The following STPG2 variants were observed in gnomAD, a reference collection of about 807,000 sequenced individuals.
The protein encoded by STPG2 is sperm-tail PG-rich repeat-containing protein 2.
Under a neutral mutation model 54.2 loss-of-function variants are expected in STPG2, and 56 were observed. The observed-to-expected ratio is 1.03, with a 90% CI of 0.83 to 1.29. STPG2 has a LOEUF of 1.29. STPG2 is among the 50% of genes most tolerant of loss of function. The pLI is 0.00. For synonymous variants in STPG2, 200 were observed against 181.8 expected (o/e 1.10, Z -0.81); for missense variants, 596 against 544.9 (o/e 1.09, Z -0.93).
intron 5 of STPG2, among the ~76,000 whole-genome samples, chr4:98,075,308 A>C (rs1481546573): frequency 1.3e-5 from 2 of 152,192 alleles, no homozygotes; most frequent in Admixed American, 6.6e-5. Flanking sequence ...GCAGCACAGC[A>C]TGTGAGGATT....
intron 9 of STPG2, among the ~76,000 whole-genome samples, chr4:97,786,344 C>A (rs1363339907): frequency 6.6e-6 from 1 of 151,804 alleles, no homozygotes; most frequent in Non-Finnish European, 1.5e-5. Flanking sequence ...CAGTGATCTT[C>A]TTTAGTTTTT....
At chr4:97,484,362 A>G (rs1173637691) in intron 4 of STPG2, among the ~76,000 whole-genome samples, 1 of 151,866 alleles carries the variant, frequency 6.6e-6, no homozygotes, top group African/African-American at 2.4e-5. Flanking sequence ...AACCTCATTA[A>G]GAAATGAAAC....
rs541521897 is a variant in STPG2 at position 97,808,027 on chromosome 4, G to C, written c.1204+32746C>G. ...TATTTTAAAGTGCTGAATAATGGCT[G>C]CCAACATATAATTCTAAATCCAAAA... On this transcript the variant is annotated intron_variant, in intron 9 of 10. Coordinates refer to ENST00000295268, the MANE Select transcript of STPG2 (RefSeq NM_174952.3). 7.2e-5 allele frequency among the ~76,000 whole-genome samples: 11 copies of C among 151,996 alleles called. No individual in the cohort carries two copies. In the South Asian group the frequency reaches 2.3e-3, roughly 32 times the overall value.
At chr4:97,854,437 GTTA>G (rs147068930) in intron 8 of STPG2, among the ~76,000 whole-genome samples, 12,879 of 148,482 alleles carry the variant, frequency 0.087, 696 homozygotes, top group South Asian at 0.21. Flanking sequence ...TTAAACTTTA[GTTA>G]TTATTAAATA....
chr4:97,930,197 C>T (rs1193695369), intron 8 of STPG2, among the ~76,000 whole-genome samples: 3 of 152,092 alleles, frequency 2.0e-5, no homozygotes, highest in Admixed American at 6.6e-5. Context: ...ATGCCCAGCC[C>T]AATTTTTACT....
At chr4:98,091,003 A>C (rs1738669331) in intron 5 of STPG2, among the ~76,000 whole-genome samples, 2 of 151,480 alleles carry the variant, frequency 1.3e-5, no homozygotes, top group African/African-American at 4.8e-5. Context: ...AAAATGTCAC[A>C]TGCTTCTTAT....
chr4:97,738,613 C>G (rs900602730), intron 9 of STPG2, among the ~76,000 whole-genome samples: 30 of 152,204 alleles, frequency 2.0e-4, no homozygotes, highest in Middle Eastern at 3.4e-3. Context: ...AAGAGACAAA[C>G]AAGGCCATTA....
At chr4:98,071,187 C>A (rs1445052535) in intron 5 of STPG2, among the ~76,000 whole-genome samples, 2 of 152,056 alleles carry the variant, frequency 1.3e-5, no homozygotes, top group African/African-American at 4.8e-5. Context: ...CTACAATAAC[C>A]AAAACAGCAT....
intron 8 of STPG2, among the ~76,000 whole-genome samples, chr4:97,911,915 C>T (rs1422865897): frequency 6.6e-6 from 1 of 152,088 alleles, no homozygotes. Flanking sequence ...CTCCAGACAC[C>T]TCCTACAGGA....
chr4:97,928,165 A>C (rs2149216197), intron 8 of STPG2, among the ~76,000 whole-genome samples: 1 of 152,254 alleles, frequency 6.6e-6, no homozygotes, highest in East Asian at 1.9e-4. Flanking sequence ...CAAGAGTCTT[A>C]AACTTGGTTT....
chr4:98,095,871 C>T (rs578247771), intron 5 of STPG2, among the ~76,000 whole-genome samples: 1 of 152,280 alleles, frequency 6.6e-6, no homozygotes, highest in South Asian at 2.1e-4. Flanking sequence ...ACACTCTTCT[C>T]CTCAGCCTAT....
chr4:97,494,277 C>A (rs888961138), intron 4 of STPG2, among the ~76,000 whole-genome samples: 4 of 151,524 alleles, frequency 2.6e-5, no homozygotes, highest in African/African-American at 9.7e-5. Context: ...AGGTAGCATG[C>A]TGAGAAGCTT....
At chr4:97,640,539 T>C (rs1325293919) in intron 10 of STPG2, among the ~76,000 whole-genome samples, 2 of 151,846 alleles carry the variant, frequency 1.3e-5, no homozygotes, top group African/African-American at 2.4e-5. Flanking sequence ...TATTGATAAT[T>C]TGACAAATAT....
At chr4:97,840,656 A>C in intron 9 of STPG2, 117 bp downstream of exon 9, 1 of 1,153,302 alleles carries the variant, frequency 8.7e-7, no homozygotes, top group South Asian at 1.7e-5. Flanking sequence ...TGGTTTTGTT[A>C]TACATTATTT....
chr4:97,783,555 C>T (rs909975284), intron 9 of STPG2, among the ~76,000 whole-genome samples: 1 of 152,156 alleles, frequency 6.6e-6, no homozygotes, highest in Non-Finnish European at 1.5e-5. Flanking sequence ...TACCATTTGA[C>T]CCAGCAATCC....
chr4:97,925,377 C>T (rs889862801), intron 8 of STPG2, among the ~76,000 whole-genome samples: 12 of 152,026 alleles, frequency 7.9e-5, no homozygotes, highest in Non-Finnish European at 1.5e-4. Flanking sequence ...TGAAGTTAGA[C>T]AATTAAATAA....
intron 6 of STPG2, among the ~76,000 whole-genome samples, chr4:97,976,243 T>C (rs1162399662): frequency 6.6e-6 from 1 of 152,208 alleles, no homozygotes; most frequent in Non-Finnish European, 1.5e-5. Flanking sequence ...ACAGTGGTAA[T>C]GTTTAGGAAA....
At chr4:97,681,849 A>G (rs948710374) in intron 10 of STPG2, among the ~76,000 whole-genome samples, 1 of 151,906 alleles carries the variant, frequency 6.6e-6, no homozygotes, top group Middle Eastern at 3.2e-3. Context: ...ATACAATCAC[A>G]TAATGATCTG....
rs33922653 is a variant in STPG2, at chr4:97,612,249, C to CA, written c.1321-53133dup. Among the ~76,000 whole-genome samples the CA allele has an allele frequency of 7.0e-3, 975 of 140,184 alleles. 9 individuals are homozygous for CA. The highest frequency in any genetic ancestry group is 0.023 in the African/African-American group (849 of 37,450). The allele number at this position is 140,184 out of a possible 152,430, so 92.0% of individuals were successfully genotyped here. On this transcript the variant is annotated intron_variant, in intron 10 of 10. Coordinates refer to ENST00000295268, the MANE Select transcript of STPG2 (RefSeq NM_174952.3). The stretch of plus-strand genomic sequence containing the variant: ...TCTTGTTGTAAAATGTGTAAAATGG[C>CA]AAAAAAAAAAACAAAAAAAAACACA...
Sources: allele counts gnomAD v4.1 joint callset (sites outside exome capture counted in the v4.1 genomes callset), GRCh38; gene constraint gnomAD v4.1.1; transcripts MANE v1.5; gene names NCBI Gene and HGNC (gene_info 2026-07-23, HGNC 2026-07-21).